MYO16: variants seen among roughly 807,000 people sequenced by gnomAD.
MYO16 encodes the protein myosin XVI.
A neutral mutation model predicts 205.3 loss-of-function variants in MYO16; 94 were observed. That is an observed-to-expected ratio of 0.46 (90% confidence interval 0.39 to 0.54). The LOEUF is 0.54. MYO16 is among the 20% of genes least tolerant of loss of function. The pLI is 0.00. For missense variants in MYO16, 2,315 were observed against 2,387.5 expected (o/e 0.97, Z 0.63); for synonymous variants, 988 against 954.0 (o/e 1.04, Z -0.66).
At chr13:109,119,684 C>G (rs1012451617) in intron 28 of MYO16, among the ~76,000 whole-genome samples, 1 of 152,330 alleles carries the variant, frequency 6.6e-6, no homozygotes, top group Admixed American at 6.5e-5. Context: ...AGTTCTCATG[C>G]CACTAGAGCT....
intron 34 of MYO16, among the ~76,000 whole-genome samples, chr13:109,186,558 G>A (rs1338568744): frequency 1.3e-5 from 2 of 152,090 alleles, no homozygotes; most frequent in Non-Finnish European, 2.9e-5. Flanking sequence ...AGAAGTTACA[G>A]CACCCAAGGA....
In MYO16 at chr13:108,759,819, CAAAAAAA is replaced by C. The variant is rs34991762; in HGVS notation, c.508-25804_508-25798del. ...TGGGCGACACAGCGAGACTCCGTCT[CAAAAAAA>C]AAAAAAAAAAATCTGAATTCAATTT... On this transcript the variant is annotated intron_variant, in intron 4 of 34. Coordinates refer to ENST00000457511, the MANE Select transcript of MYO16 (RefSeq NM_001198950.3). Among the ~76,000 whole-genome samples the C allele has an allele frequency of 4.0e-5, 5 of 123,884 alleles. No individual in the cohort carries two copies. The East Asian group carries it at 1.1e-3, about 28-fold the overall frequency. The allele number at this position is 123,884 out of a possible 152,430, so 81.3% of individuals were successfully genotyped here.
At position 109,140,855 on chromosome 13, in the gene MYO16, T is replaced by A. The variant is rs1220005554; in HGVS notation, c.4643T>A (p.Leu1548His). 6.3e-7 allele frequency: 1 copy of A among 1,590,516 alleles called. No individual in the cohort carries two copies. The highest frequency in any genetic ancestry group is 1.4e-5 in the African/African-American group (1 of 69,524). The change falls in exon 32 of 35, where the codon CTC becomes CAC. Residue 1548 changes from leucine to histidine, a missense_variant. This residue lies in a region of MYO16 where 1,097 missense variants were observed against 1,092.0 expected (regional missense o/e 1.00). Transcript: ENST00000457511. This position sits in a 1 kb window ranked among gnomAD's most constrained non-coding sequence, Gnocchi z 8.0. ...AAGCTGCCAGTCCTGGAGACCAACC[T>A]CAAGTACCCCGTGCAGCCGGAGGGG... is the stretch of plus-strand genomic sequence containing the variant. ...VKKLPVLETN[L>H]KYPVQPEGSS...
intron 2 of MYO16, among the ~76,000 whole-genome samples, chr13:108,710,323 T>G (rs1883670773): frequency 6.6e-6 from 1 of 152,232 alleles, no homozygotes; most frequent in Non-Finnish European, 1.5e-5. Flanking sequence ...TCCTTTGCCT[T>G]GTATATTTCC....
intron 14 of MYO16, among the ~76,000 whole-genome samples, chr13:108,894,949 G>A (rs924563622): frequency 6.6e-6 from 1 of 152,170 alleles, no homozygotes; most frequent in Non-Finnish European, 1.5e-5. Context: ...AAACTACCTG[G>A]AACCTTCACC....
chr13:108,962,366 T>C (rs1189984410), intron 18 of MYO16, 58 bp from the exon 19 acceptor site: 2 of 1,367,438 alleles, frequency 1.5e-6, no homozygotes, highest in African/African-American at 2.9e-5. Context: ...TAAAATTCAA[T>C]GTTCTTGGTA....
intron 12 of MYO16, among the ~76,000 whole-genome samples, chr13:108,871,423 G>A (rs1427945974): frequency 2.6e-5 from 4 of 151,084 alleles, no homozygotes; most frequent in Non-Finnish European, 4.4e-5. Flanking sequence ...ATTTTTGATG[G>A]AGTATTGAAC....
At chr13:109,029,115 T>TTTTC (rs200276052) in intron 23 of MYO16, among the ~76,000 whole-genome samples, 23 of 135,684 alleles carry the variant, frequency 1.7e-4, no homozygotes, top group Non-Finnish European at 2.7e-4. Context: ...TTCTTTTCTT[T>TTTTC]TTTTTTTTTT....
At chr13:108,840,763 T>C (rs1877202172) in intron 9 of MYO16, among the ~76,000 whole-genome samples, 1 of 152,192 alleles carries the variant, frequency 6.6e-6, no homozygotes, top group Non-Finnish European at 1.5e-5. Flanking sequence ...CTCAGTCTCC[T>C]AGACTTAAGC....
intron 16 of MYO16, among the ~76,000 whole-genome samples, chr13:108,936,330 T>A (rs896665936): frequency 6.6e-6 from 1 of 152,090 alleles, no homozygotes; most frequent in Non-Finnish European, 1.5e-5. Flanking sequence ...ATGGTAAAAA[T>A]TTGCTGTGAA....
chr13:108,972,378 ATATATATATATATATAT>A, intron 20 of MYO16, among the ~76,000 whole-genome samples: 1 of 63,894 alleles, frequency 1.6e-5, no homozygotes, highest in Non-Finnish European at 2.7e-5. Context: ...ATATATATAT[ATATATATATATATATAT>A]ATAGTGGCTG....
At chr13:108,614,248 T>A in intron 1 of MYO16, among the ~76,000 whole-genome samples, 1 of 151,974 alleles carries the variant, frequency 6.6e-6, no homozygotes, top group East Asian at 1.9e-4. Context: ...AAGAACAAAG[T>A]GCTTAGGGAT....
intron 29 of MYO16, among the ~76,000 whole-genome samples, chr13:109,123,043 G>T (rs985502097): frequency 2.0e-5 from 3 of 152,004 alleles, no homozygotes; most frequent in African/African-American, 7.3e-5. Context: ...GACTCTATAT[G>T]CTCATTTTAT....
intron 2 of MYO16, among the ~76,000 whole-genome samples, chr13:108,702,506 G>T (rs1883347249): frequency 6.6e-6 from 1 of 152,080 alleles, no homozygotes; most frequent in Admixed American, 6.6e-5. Context: ...AAAACTAAGA[G>T]AATTTTTTAC....
chr13:108,903,976 G>A (rs549833069), intron 15 of MYO16, among the ~76,000 whole-genome samples: 4 of 152,270 alleles, frequency 2.6e-5, no homozygotes, highest in African/African-American at 9.6e-5. Flanking sequence ...GGAAATAGTT[G>A]TTACCATTTT....
intron 15 of MYO16, among the ~76,000 whole-genome samples, chr13:108,909,234 T>A (rs1881148013): frequency 6.6e-6 from 1 of 152,062 alleles, no homozygotes; most frequent in Admixed American, 6.5e-5. Context: ...TCAACTACTA[T>A]CAAATAAATT....
intron 1 of MYO16, among the ~76,000 whole-genome samples, chr13:108,660,683 T>G (rs1881463935): frequency 2.6e-5 from 4 of 152,196 alleles, no homozygotes; most frequent in Admixed American, 2.0e-4. Flanking sequence ...GTTAGGTGAG[T>G]CTCTTGAAGG....
At chr13:108,968,520 G>A (rs1883886509) in intron 20 of MYO16, among the ~76,000 whole-genome samples, 1 of 152,086 alleles carries the variant, frequency 6.6e-6, no homozygotes, top group Non-Finnish European at 1.5e-5. Context: ...CAGCTACTCG[G>A]GAGGCTGAGG....
intron 21 of MYO16, among the ~76,000 whole-genome samples, chr13:109,007,101 A>G (rs1345502668): frequency 2.0e-5 from 3 of 152,208 alleles, no homozygotes; most frequent in African/African-American, 7.2e-5. Context: ...AAATGTGCAC[A>G]CTGCTAGCCA....
Sources: gnomAD v4.1 joint callset for allele counts (sites outside exome capture counted in the v4.1 genomes callset) on GRCh38, gnomAD v4.1.1 for gene constraint, gnomAD v4.1.1 regional missense constraint, Gnocchi (gnomAD v3.1) non-coding constraint, MANE v1.5 for transcripts, NCBI Gene and HGNC (gene_info 2026-07-23, HGNC 2026-07-21) for gene names.